The following MRC1 variants were observed in gnomAD, a reference collection of about 807,000 sequenced individuals.
MRC1 encodes mannose receptor C-type 1.
Under a neutral mutation model 102.9 loss-of-function variants are expected in MRC1, and 62 were observed. The ratio of observed to expected loss-of-function variants is 0.60; its 90% CI spans 0.49 to 0.74. The LOEUF (loss-of-function observed/expected upper bound fraction) is 0.74, where lower values mean the gene tolerates loss of function less well. Among genes scored for constraint, MRC1 ranks in the 30% least tolerant of loss-of-function variants. The probability of loss-of-function intolerance (pLI) is 0.00; values close to 1 mark genes in which losing one functional copy is unlikely to be tolerated. For missense variants in MRC1, 1,237 were observed against 862.8 expected, an observed-to-expected ratio of 1.43 and a Z score of -5.43; for synonymous variants, 457 against 298.4, an observed-to-expected ratio of 1.53 and a Z score of -5.48.
intron 15 of MRC1, among the ~76,000 whole-genome samples, chr10:17,873,078 C>G (rs915305936): frequency 6.6e-6 from 1 of 152,100 alleles, no homozygotes. Context: ...TTTGCATTAT[C>G]GTAGCTCTAC....
At chr10:17,848,529 G>A (rs1838861576) in intron 6 of MRC1, among the ~76,000 whole-genome samples, 1 of 152,100 alleles carries the variant, frequency 6.6e-6, no homozygotes, top group South Asian at 2.1e-4. Flanking sequence ...TATTAGTAGC[G>A]AGGCTGAGGA....
intron 1 of MRC1, among the ~76,000 whole-genome samples, chr10:17,820,303 C>T (rs1838375698): frequency 6.6e-6 from 1 of 151,784 alleles, no homozygotes; most frequent in Non-Finnish European, 1.5e-5. Flanking sequence ...GCTGAAAATC[C>T]AGGAAGACTC....
chr10:17,849,406 T>C (rs1219036068), intron 6 of MRC1, among the ~76,000 whole-genome samples, 173 bp from the exon 7 acceptor site: 1 of 152,160 alleles, frequency 6.6e-6, no homozygotes, highest in African/African-American at 2.4e-5. Flanking sequence ...AAATAGTATA[T>C]GCCTTGTCTA....
intron 26 of MRC1, among the ~76,000 whole-genome samples, chr10:17,904,420 C>A (rs1833870093): frequency 6.6e-6 from 1 of 152,118 alleles, no homozygotes; most frequent in South Asian, 2.1e-4. Flanking sequence ...CATTTTCTTT[C>A]ATCTTTTTCA....
At chr10:17,887,513 C>G (rs1428277642) in intron 22 of MRC1, among the ~76,000 whole-genome samples, 1 of 152,082 alleles carries the variant, frequency 6.6e-6, no homozygotes, top group Non-Finnish European at 1.5e-5. Flanking sequence ...ACTGAAGAAG[C>G]GAAAGTAGAA....
intron 3 of MRC1, among the ~76,000 whole-genome samples, chr10:17,831,427 A>C (rs901570468): frequency 1.3e-5 from 2 of 151,446 alleles, no homozygotes; most frequent in African/African-American, 2.5e-5. Context: ...AAAAATTTGT[A>C]TGCTGTTGCC....
chr10:17,816,540 G>A (rs1838315969), intron 1 of MRC1, among the ~76,000 whole-genome samples: 1 of 152,154 alleles, frequency 6.6e-6, no homozygotes, highest in Non-Finnish European at 1.5e-5. Flanking sequence ...CTCCTACAGG[G>A]CATTCGTTTT....
At position 17,900,097 on chromosome 10, in the gene MRC1, C is replaced by CAAA. The variant is rs1156472499; in HGVS notation, c.3484-674_3484-672dup. Among the ~76,000 whole-genome samples the CAAA allele has an allele frequency of 4.8e-4, 51 of 106,816 alleles. No homozygotes were observed. The East Asian group carries it at 9.1e-3, about 19-fold the overall frequency. 70.1% of individuals were successfully genotyped at this position (106,816 alleles called of 152,430 possible). On this transcript the variant is annotated intron_variant, in intron 24 of 29. Coordinates refer to ENST00000569591, the MANE Select transcript of MRC1 (RefSeq NM_002438.4). ...TGGGGGACAAGAGCGAGACTTCTCTCAAAAAAAAAAAAAAAAAAAGAAAGA... is the reference window on the plus strand; with the variant it reads ...TGGGGGACAAGAGCGAGACTTCTCTCAAAAAAAAAAAAAAAAAAAAAAGAAAGA...
chr10:17,891,461 C>A (rs1212392351), intron 22 of MRC1, among the ~76,000 whole-genome samples: 1 of 152,034 alleles, frequency 6.6e-6, no homozygotes, highest in South Asian at 2.1e-4. Context: ...CCATTGCGCC[C>A]GGTGCTCATT....
intron 1 of MRC1, among the ~76,000 whole-genome samples, chr10:17,812,279 C>T (rs1392004645): frequency 6.6e-6 from 1 of 152,128 alleles, no homozygotes; most frequent in Non-Finnish European, 1.5e-5. Flanking sequence ...GTTTCCAGCT[C>T]AGTTGGGTTA....
intron 3 of MRC1, 125 bp from the exon 4 acceptor site, chr10:17,833,549 GA>G (rs1234239823): frequency 1.2e-5 from 9 of 720,614 alleles, no homozygotes; most frequent in African/African-American, 3.6e-5. Flanking sequence ...TAGAAAGGGG[GA>G]AAAAAAGAAA....
intron 1 of MRC1, among the ~76,000 whole-genome samples, chr10:17,818,693 C>T (rs1428108820): frequency 6.6e-6 from 1 of 152,070 alleles, no homozygotes; most frequent in African/African-American, 2.4e-5. Context: ...CCTGTAATCC[C>T]AGAGCTGAGG....
chr10:17,876,762 C>G (rs1328875132), intron 17 of MRC1, among the ~76,000 whole-genome samples: 1 of 152,046 alleles, frequency 6.6e-6, no homozygotes, highest in East Asian at 1.9e-4. Flanking sequence ...CAGAGTTTGA[C>G]TATTTATTAT....
chr10:17,848,832 C>G (rs1838868141), intron 6 of MRC1, among the ~76,000 whole-genome samples: 1 of 152,092 alleles, frequency 6.6e-6, no homozygotes, highest in Admixed American at 6.5e-5. Context: ...GGTAGTGGGT[C>G]TGTTCTGAGG....
intron 1 of MRC1, among the ~76,000 whole-genome samples, chr10:17,822,549 A>C (rs1299380674): frequency 6.6e-6 from 1 of 152,220 alleles, no homozygotes; most frequent in East Asian, 1.9e-4. Context: ...TGAGCCCAGA[A>C]GTTGGAAGCT....
At position 17,827,372 on chromosome 10, in the gene MRC1, C is replaced by CAAAAAAAAAAAAAAAAAA. The variant is rs782616938; in HGVS notation, c.464-149_464-132dup. On this transcript the variant is annotated intron_variant, in intron 2 of 29. Coordinates refer to ENST00000569591, the MANE Select transcript of MRC1 (RefSeq NM_002438.4). The stretch of plus-strand genomic sequence containing the variant: ...TAGAAGGAGAAGGAAAAAAAATACC[C>CAAAAAAAAAAAAAAAAAA]AAAAAAAAAAAAAAAAAAAAAAAAA... 9.4e-5 allele frequency among the ~76,000 whole-genome samples: 6 copies of CAAAAAAAAAAAAAAAAAA among 64,030 alleles called. 3 individuals are homozygous for CAAAAAAAAAAAAAAAAAA. Among genetic ancestry groups the CAAAAAAAAAAAAAAAAAA allele is most frequent in the African/African-American group, 2.0e-4 (4 of 19,730 alleles). The allele number at this position is 64,030 out of a possible 152,430, so 42.0% of individuals were successfully genotyped here.
chr10:17,845,247 A>G lies in MRC1; in HGVS notation c.917-42A>G, dbSNP rs1211682611. The G allele has an allele frequency of 1.9e-5, 15 of 780,680 alleles. No homozygotes were observed. In the African/African-American group the frequency reaches 2.0e-4, roughly 11 times the overall value. The allele number at this position is 780,680 out of a possible 1,614,324, so 48.4% of individuals were successfully genotyped here. On this transcript the variant is annotated intron_variant, in intron 5 of 29. Coordinates refer to ENST00000569591, the MANE Select transcript of MRC1 (RefSeq NM_002438.4). Reference sequence around the variant, plus strand: ...GTGGGAGGGATGCTATCTGCTGGGAATAGCTATAATAGTCCACTTTAACTT... The same window carrying G: ...GTGGGAGGGATGCTATCTGCTGGGAGTAGCTATAATAGTCCACTTTAACTT...
At chr10:17,820,496 T>A (rs1475995596) in intron 1 of MRC1, among the ~76,000 whole-genome samples, 1 of 152,212 alleles carries the variant, frequency 6.6e-6, no homozygotes. Flanking sequence ...GCATAAAGAT[T>A]TTTGAACGCC....
intron 1 of MRC1, 78 bp from the exon 2 acceptor site, chr10:17,822,996 A>G: frequency 1.3e-6 from 1 of 756,196 alleles, no homozygotes; most frequent in Non-Finnish European, 2.5e-6. Flanking sequence ...TTTGACCTAA[A>G]AGATCGTCCT....
Sources: allele counts gnomAD v4.1 joint callset (sites outside exome capture counted in the v4.1 genomes callset), GRCh38; gene constraint gnomAD v4.1.1; transcripts MANE v1.5; gene names NCBI Gene and HGNC (gene_info 2026-07-23, HGNC 2026-07-21).